Variants in DLC1 observed in about 807,000 individuals in gnomAD.
The protein encoded by DLC1 is DLC1 Rho GTPase activating protein, also known as rho GTPase-activating protein 7.
Under a neutral mutation model 140.3 loss-of-function variants are expected in DLC1, and 54 were observed. The observed-to-expected ratio is 0.38, with a 90% CI of 0.31 to 0.48. The LOEUF is 0.48. Among genes scored for constraint, DLC1 ranks in the 20% least tolerant of loss-of-function variants. DLC1 has a pLI of 0.96. For missense variants in DLC1, 2,536 were observed against 1,907.0 expected (o/e 1.33, Z -6.14); for synonymous variants, 986 against 728.1 (o/e 1.35, Z -5.70).
At chr8:13,132,529 CAGG>C (rs1300507921) in intron 5 of DLC1, among the ~76,000 whole-genome samples, 2 of 152,134 alleles carry the variant, frequency 1.3e-5, no homozygotes, top group African/African-American at 2.4e-5. Context: ...TGGTGAATGA[CAGG>C]AGATCAGTAC....
intron 1 of DLC1, among the ~76,000 whole-genome samples, chr8:13,544,154 C>G (rs979174510): frequency 2.7e-5 from 4 of 150,696 alleles, no homozygotes; most frequent in East Asian, 1.9e-4. Flanking sequence ...AATAATTTTT[C>G]TCTCTCTCTC....
At chr8:13,483,448 G>C (rs78107613) in intron 2 of DLC1, among the ~76,000 whole-genome samples, 3,359 of 152,258 alleles carry the variant, frequency 0.022, 119 homozygotes, top group African/African-American at 0.074. Context: ...CGTACTTGCA[G>C]GATGCACAGA....
chr8:13,518,689 C>A (rs1802671663), upstream of DLC1, among the ~76,000 whole-genome samples: 1 of 152,106 alleles, frequency 6.6e-6, no homozygotes, highest in South Asian at 2.1e-4. Context: ...TTATGTTTTC[C>A]ATTTTTGTTA....
chr8:13,232,312 C>A (rs544226517), intron 5 of DLC1, among the ~76,000 whole-genome samples: 11 of 151,982 alleles, frequency 7.2e-5, no homozygotes, highest in African/African-American at 2.4e-4. Flanking sequence ...GACTTCCTTG[C>A]CATTCCAACC....
chr8:13,384,764 T>C (rs931808876), intron 4 of DLC1, among the ~76,000 whole-genome samples: 1 of 152,120 alleles, frequency 6.6e-6, no homozygotes, highest in Non-Finnish European at 1.5e-5. Context: ...TTACATTTTG[T>C]TTTTGTTTCT....
intron 5 of DLC1, among the ~76,000 whole-genome samples, chr8:13,297,445 G>C (rs1274976697): frequency 6.6e-6 from 1 of 151,904 alleles, no homozygotes; most frequent in Non-Finnish European, 1.5e-5. Flanking sequence ...CCATAAAACA[G>C]CTGGGGGTCT....
chr8:13,279,335 C>T (rs985041171), intron 5 of DLC1, among the ~76,000 whole-genome samples: 5 of 152,196 alleles, frequency 3.3e-5, no homozygotes, highest in African/African-American at 1.2e-4. Flanking sequence ...TAGGACAATA[C>T]TTAACAGTTC....
intron 5 of DLC1, among the ~76,000 whole-genome samples, chr8:13,243,468 G>A (rs749893941): frequency 2.0e-5 from 3 of 152,004 alleles, no homozygotes; most frequent in African/African-American, 4.8e-5. Context: ...CCTCTTTTCT[G>A]TATAAATGTC....
At chr8:13,411,139 A>T (rs545134951) in intron 2 of DLC1, among the ~76,000 whole-genome samples, 1 of 152,338 alleles carries the variant, frequency 6.6e-6, no homozygotes, top group South Asian at 2.1e-4. Context: ...AACTTTATTC[A>T]TACTTGCTGA....
At chr8:13,274,280 A>G (rs1196787308) in intron 5 of DLC1, among the ~76,000 whole-genome samples, 1 of 152,222 alleles carries the variant, frequency 6.6e-6, no homozygotes, top group Non-Finnish European at 1.5e-5. Context: ...CCATGAGCCA[A>G]GAGTGAGGAG....
At chr8:13,359,585 T>C (rs1835125841) in intron 4 of DLC1, among the ~76,000 whole-genome samples, 1 of 152,182 alleles carries the variant, frequency 6.6e-6, no homozygotes, top group Non-Finnish European at 1.5e-5. Context: ...ACTCCACAAA[T>C]CCAGTGATGT....
At position 13,262,151 on chromosome 8, in the gene DLC1, A is replaced by T. The variant is rs191393500; in HGVS notation, c.1348+43118T>A. Among the ~76,000 whole-genome samples, 4 of 152,306 alleles carry T rather than the reference A, an allele frequency of 2.6e-5. No homozygotes were observed. In the East Asian group the frequency reaches 7.7e-4, roughly 29 times the overall value. ...CACATTATGGTGTGTGCTAAAAATAAAATAATTTCTGTATTGGTTGTGACT... is the reference window on the plus strand; with the variant it reads ...CACATTATGGTGTGTGCTAAAAATATAATAATTTCTGTATTGGTTGTGACT... On this transcript the variant is annotated intron_variant, in intron 5 of 17. Transcript: ENST00000276297.
At chr8:13,179,821 T>C (rs1585852034) in intron 5 of DLC1, among the ~76,000 whole-genome samples, 1 of 152,032 alleles carries the variant, frequency 6.6e-6, no homozygotes, top group Admixed American at 6.6e-5. Context: ...AACTATATAT[T>C]ATATAAAAAT....
At chr8:13,353,468 T>C (rs557787953) in intron 4 of DLC1, 5 of 152,080 alleles carry the variant, frequency 3.3e-5, no homozygotes, top group African/African-American at 4.8e-5. Flanking sequence ...TTGAAGAGAA[T>C]ATAGAATATG....
At chr8:13,531,153 A>C (rs1803084855) in intron 1 of DLC1, among the ~76,000 whole-genome samples, 1 of 152,174 alleles carries the variant, frequency 6.6e-6, no homozygotes, top group African/African-American at 2.4e-5. Context: ...ATTGCTCACC[A>C]TCTTCATCTT....
At chr8:13,252,378 A>G (rs1319372810) in intron 5 of DLC1, among the ~76,000 whole-genome samples, 1 of 152,104 alleles carries the variant, frequency 6.6e-6, no homozygotes, top group Non-Finnish European at 1.5e-5. Context: ...AGACCTCCAA[A>G]CCCTGCTGCA....
chr8:13,557,742 C>T (rs1563439435), intron 1 of DLC1: 1 of 152,258 alleles, frequency 6.6e-6, no homozygotes, highest in Non-Finnish European at 1.5e-5. Context: ...GTCAATTAAA[C>T]TTCTTTCCTT....
Position 13,282,440 on chromosome 8 carries a change from G to C in DLC1, c.1348+22829C>G, listed in dbSNP as rs73560553. ...TTTCTTTTATGTTGTAATTTCAAAA[G>C]GTTAAACATTTGCAATTTCTATAGA... On this transcript the variant is annotated intron_variant, in intron 5 of 17. Transcript: ENST00000276297. Among the ~76,000 whole-genome samples the C allele has an allele frequency of 9.7e-3, 1,470 of 152,084 alleles. 22 individuals carry two copies. The highest frequency in any genetic ancestry group is 0.033 in the African/African-American group (1,387 of 41,500).
chr8:13,217,776 T>A (rs768164754), intron 5 of DLC1, among the ~76,000 whole-genome samples: 8 of 151,550 alleles, frequency 5.3e-5, no homozygotes, highest in South Asian at 4.2e-4. Context: ...AGGCAGAGAT[T>A]GCGGTGAGCC....
Sources: allele counts gnomAD v4.1 joint callset (sites outside exome capture counted in the v4.1 genomes callset), GRCh38; gene constraint gnomAD v4.1.1; transcripts MANE v1.5; gene names NCBI Gene and HGNC (gene_info 2026-07-23, HGNC 2026-07-21).